The following KCNAB1 variants were observed in gnomAD, a reference collection of about 807,000 sequenced individuals.
KCNAB1 encodes the protein voltage-gated potassium channel subunit beta-1.
KCNAB1 carries 35 observed loss-of-function variants against 64.6 expected under a neutral mutation model. The ratio of observed to expected loss-of-function variants is 0.54; its 90% CI spans 0.41 to 0.72. The LOEUF (loss-of-function observed/expected upper bound fraction) is 0.72, where lower values mean the gene tolerates loss of function less well. Ranked by LOEUF, KCNAB1 falls within the 30% of genes least tolerant of loss-of-function variation. KCNAB1 has a pLI of 0.00. For missense variants in KCNAB1, 401 were observed against 512.9 expected (o/e 0.78, Z 2.11); for synonymous variants, 177 against 183.8 (o/e 0.96, Z 0.30).
intron 1 of KCNAB1, among the ~76,000 whole-genome samples, chr3:156,147,156 G>A (rs1039191519): frequency 6.6e-6 from 1 of 152,152 alleles, no homozygotes; most frequent in African/African-American, 2.4e-5. Flanking sequence ...CCTGGATTTG[G>A]CTCTGTGCTT....
intron 1 of KCNAB1, among the ~76,000 whole-genome samples, chr3:156,307,231 G>A (rs1345872641): frequency 1.3e-5 from 2 of 152,110 alleles, no homozygotes; most frequent in Non-Finnish European, 2.9e-5. Flanking sequence ...ACAAAGATGA[G>A]GACATATGCT....
intron 1 of KCNAB1, among the ~76,000 whole-genome samples, chr3:156,321,434 T>C (rs951947170): frequency 6.6e-5 from 10 of 152,216 alleles, no homozygotes; most frequent in African/African-American, 2.2e-4. Flanking sequence ...ATTCTAAAGA[T>C]GCACGAACTC....
chr3:156,352,676 T>C (rs1222343917), intron 1 of KCNAB1, among the ~76,000 whole-genome samples: 1 of 152,206 alleles, frequency 6.6e-6, no homozygotes, highest in East Asian at 1.9e-4. Context: ...AGGTCTGTCC[T>C]TGGCGTCACA....
At chr3:156,356,230 T>C (rs1026318479) in intron 1 of KCNAB1, among the ~76,000 whole-genome samples, 7 of 149,978 alleles carry the variant, frequency 4.7e-5, no homozygotes, top group Admixed American at 2.0e-4. Flanking sequence ...AAATGAGAGA[T>C]TACTGGGAAG....
At chr3:156,219,070 A>G (rs1715526497) in intron 1 of KCNAB1, among the ~76,000 whole-genome samples, 1 of 152,034 alleles carries the variant, frequency 6.6e-6, no homozygotes, top group South Asian at 2.1e-4. Context: ...TGAAGAGATC[A>G]TACCAGCTCA....
chr3:156,523,206 CAA>C (rs1240697086), intron 11 of KCNAB1, among the ~76,000 whole-genome samples: 10 of 152,184 alleles, frequency 6.6e-5, no homozygotes, highest in African/African-American at 2.4e-4. Flanking sequence ...ATAACATTTG[CAA>C]AGTCTTTATC....
rs1401796506 is a variant in KCNAB1 at position 156,452,884 on chromosome 3, T to C, written c.320-15T>C. ...AATGATGATGAATAATATGCAAATA[T>C]TTATTATTTTCTAGGAACATGGGTG... On this transcript the variant is annotated splice_polypyrimidine_tract_variant and intron_variant, in intron 2 of 13. Coordinates refer to ENST00000490337, the MANE Select transcript of KCNAB1 (RefSeq NM_172160.3). The surrounding 1 kb of genome is among the most constrained non-coding windows in gnomAD (Gnocchi z 4.6). 6.4e-7 allele frequency: 1 copy of C among 1,567,356 alleles called. No individual in the cohort carries two copies. The highest frequency in any genetic ancestry group is 8.7e-7 in the Non-Finnish European group (1 of 1,146,314).
chr3:156,188,467 T>C (rs762557674), intron 1 of KCNAB1, among the ~76,000 whole-genome samples: 7 of 152,186 alleles, frequency 4.6e-5, no homozygotes, highest in Non-Finnish European at 8.8e-5. Context: ...ACATTTAATT[T>C]AAAAAATTGA....
At chr3:156,401,646 C>T (rs1713897040) in intron 1 of KCNAB1, among the ~76,000 whole-genome samples, 2 of 152,284 alleles carry the variant, frequency 1.3e-5, no homozygotes, top group South Asian at 2.1e-4. Flanking sequence ...GTTAATGGTT[C>T]GCTGCACCAA....
intron 1 of KCNAB1, among the ~76,000 whole-genome samples, chr3:156,238,496 A>C (rs1009281959): frequency 1.3e-5 from 2 of 152,132 alleles, no homozygotes; most frequent in African/African-American, 4.8e-5. Flanking sequence ...TTGGACCCTA[A>C]CAAATGGCAA....
At chr3:156,339,737 C>T (rs1184427840) in intron 1 of KCNAB1, among the ~76,000 whole-genome samples, 1 of 152,206 alleles carries the variant, frequency 6.6e-6, no homozygotes, top group Admixed American at 6.5e-5. Context: ...ATCCTCTGGC[C>T]ATTGCACATC....
chr3:156,459,697 C>T (rs1712745787), intron 4 of KCNAB1, 130 bp from the exon 5 acceptor site: 3 of 635,760 alleles, frequency 4.7e-6, no homozygotes, highest in South Asian at 2.5e-5. Context: ...TGCTACCAGC[C>T]GAGAGCGGCT....
chr3:156,129,016 A>G (rs1044246903), intron 1 of KCNAB1, among the ~76,000 whole-genome samples: 2 of 141,036 alleles, frequency 1.4e-5, no homozygotes, highest in Non-Finnish European at 3.1e-5. Context: ...TCAAGCATTT[A>G]TAAAGCATCA....
chr3:156,174,567 C>G (rs1236593812), intron 1 of KCNAB1, among the ~76,000 whole-genome samples: 1 of 152,214 alleles, frequency 6.6e-6, no homozygotes, highest in Non-Finnish European at 1.5e-5. Flanking sequence ...CCTGACTGTT[C>G]CAGCCTGTAG....
At chr3:156,306,307 G>C (rs1325179254) in intron 1 of KCNAB1, among the ~76,000 whole-genome samples, 1 of 152,160 alleles carries the variant, frequency 6.6e-6, no homozygotes, top group African/African-American at 2.4e-5. Context: ...GAATAGTCCA[G>C]GACTAGGCAG....
intron 1 of KCNAB1, among the ~76,000 whole-genome samples, chr3:156,136,739 G>C (rs1714367688): frequency 1.3e-5 from 2 of 152,226 alleles, no homozygotes; most frequent in Admixed American, 1.3e-4. Flanking sequence ...TTGCACATCT[G>C]GGCCCCATGG....
chr3:156,526,182 G>A (rs1305409061), intron 12 of KCNAB1, among the ~76,000 whole-genome samples: 1 of 152,194 alleles, frequency 6.6e-6, no homozygotes, highest in African/African-American at 2.4e-5. Flanking sequence ...GAACCTAGGA[G>A]CAATAGGCTA....
intron 1 of KCNAB1, among the ~76,000 whole-genome samples, chr3:156,206,847 T>A (rs192729809): frequency 2.0e-5 from 3 of 152,294 alleles, no homozygotes; most frequent in African/African-American, 4.8e-5. Flanking sequence ...ATTTTATTTC[T>A]TGGAAAAAAT....
chr3:156,182,592 T>A (rs1712886599), intron 1 of KCNAB1, among the ~76,000 whole-genome samples: 1 of 148,302 alleles, frequency 6.7e-6, no homozygotes, highest in Admixed American at 6.9e-5. Context: ...TAGCCTTCTT[T>A]ATATTCTACT....
Sources: gnomAD v4.1 joint callset for allele counts (sites outside exome capture counted in the v4.1 genomes callset) on GRCh38, gnomAD v4.1.1 for gene constraint, Gnocchi (gnomAD v3.1) non-coding constraint, MANE v1.5 for transcripts, NCBI Gene and HGNC (gene_info 2026-07-23, HGNC 2026-07-21) for gene names.